The following PRKN variants were observed in gnomAD, a reference collection of about 807,000 sequenced individuals.
PRKN encodes the protein parkin RBR E3 ubiquitin protein ligase, also known as E3 ubiquitin-protein ligase parkin.
Under a neutral mutation model 59.5 loss-of-function variants are expected in PRKN, and 56 were observed. The observed-to-expected ratio is 0.94, with a 90% CI of 0.76 to 1.18. The LOEUF (loss-of-function observed/expected upper bound fraction) is 1.18. PRKN is among the 50% of genes most tolerant of loss of function. The pLI is 0.00. For missense variants in PRKN, 657 were observed against 596.4 expected, an observed-to-expected ratio of 1.10 and a Z score of -1.06; for synonymous variants, 250 against 222.1, an observed-to-expected ratio of 1.13 and a Z score of -1.12.
intron 1 of PRKN, among the ~76,000 whole-genome samples, chr6:162,476,391 G>T (rs1028193161): frequency 6.6e-6 from 1 of 152,098 alleles, no homozygotes; most frequent in Admixed American, 6.6e-5. Context: ...TGAGGGTAGG[G>T]TTCACAACTG....
At chr6:162,028,834 A>C (rs1783535179) in intron 5 of PRKN, among the ~76,000 whole-genome samples, 1 of 152,238 alleles carries the variant, frequency 6.6e-6, no homozygotes, top group Non-Finnish European at 1.5e-5. Context: ...GACAGCAAAC[A>C]GTGGACATCG....
intron 4 of PRKN, among the ~76,000 whole-genome samples, chr6:162,166,007 C>A (rs1782964575): frequency 7.0e-6 from 1 of 143,694 alleles, no homozygotes. Flanking sequence ...AGGGTCATGC[C>A]ACTGCACTCC....
chr6:161,773,225 T>C (rs1015426475), intron 7 of PRKN, among the ~76,000 whole-genome samples: 82 of 152,306 alleles, frequency 5.4e-4, no homozygotes, highest in African/African-American at 1.9e-3. Context: ...CTCTTGTGTA[T>C]GCATAATATG....
intron 1 of PRKN, among the ~76,000 whole-genome samples, chr6:162,643,331 G>A (rs1436552401): frequency 7.3e-6 from 1 of 137,070 alleles, no homozygotes; most frequent in Non-Finnish European, 1.5e-5. Flanking sequence ...CCAGGAGGTG[G>A]AGGTTGCAGT....
intron 1 of PRKN, among the ~76,000 whole-genome samples, chr6:162,528,151 T>C (rs1778366967): frequency 6.6e-6 from 1 of 151,830 alleles, no homozygotes; most frequent in South Asian, 2.1e-4. Context: ...TGAAACCCTG[T>C]TTCTACTAAA....
intron 2 of PRKN, among the ~76,000 whole-genome samples, chr6:162,290,362 CTTAG>C (rs1378429928): frequency 2.0e-5 from 3 of 152,156 alleles, no homozygotes; most frequent in African/African-American, 7.2e-5. Flanking sequence ...TGAGTGGCCT[CTTAG>C]TGAGTTAATC....
intron 9 of PRKN, among the ~76,000 whole-genome samples, chr6:161,389,220 C>G (rs565256024): frequency 1.3e-5 from 2 of 152,256 alleles, no homozygotes; most frequent in African/African-American, 4.8e-5. Flanking sequence ...GTTGTCTTCA[C>G]CATGTGAACA....
intron 1 of PRKN, among the ~76,000 whole-genome samples, chr6:162,617,948 C>A (rs1782501102): frequency 6.6e-6 from 1 of 152,062 alleles, no homozygotes; most frequent in African/African-American, 2.4e-5. Context: ...CAAGAATAAT[C>A]ATTATCAGTA....
intron 6 of PRKN, among the ~76,000 whole-genome samples, chr6:161,882,132 C>T (rs1416086007): frequency 6.6e-6 from 1 of 152,116 alleles, no homozygotes; most frequent in Non-Finnish European, 1.5e-5. Flanking sequence ...AAAATCCAAA[C>T]AAAACATGTC....
At chr6:162,703,051 G>C (rs1431768113) in intron 1 of PRKN, among the ~76,000 whole-genome samples, 1 of 152,116 alleles carries the variant, frequency 6.6e-6, no homozygotes, top group African/African-American at 2.4e-5. Flanking sequence ...TAGTATTCTA[G>C]GTGTTGATTA....
At chr6:161,849,137 G>T (rs111365065) in intron 6 of PRKN, among the ~76,000 whole-genome samples, 11 of 152,276 alleles carry the variant, frequency 7.2e-5, no homozygotes, top group African/African-American at 2.6e-4. Context: ...TGGTTTGTCA[G>T]ACTCTCTACC....
At chr6:162,548,872 C>A (rs1372511334) in intron 1 of PRKN, among the ~76,000 whole-genome samples, 2 of 152,036 alleles carry the variant, frequency 1.3e-5, no homozygotes, top group Non-Finnish European at 2.9e-5. Flanking sequence ...GTGCTTTTTT[C>A]ACTGGTCCGC....
chr6:161,954,486 C>T (rs1250474228), intron 6 of PRKN, among the ~76,000 whole-genome samples: 3 of 152,196 alleles, frequency 2.0e-5, no homozygotes, highest in Non-Finnish European at 4.4e-5. Context: ...ATTCTCTCAA[C>T]TTAAAATTAC....
At chr6:161,960,989 G>A (rs557449443) in intron 6 of PRKN, among the ~76,000 whole-genome samples, 3 of 152,286 alleles carry the variant, frequency 2.0e-5, no homozygotes, top group African/African-American at 7.2e-5. Flanking sequence ...CTGTGGCACT[G>A]TAAAATGGGT....
chr6:162,541,406 G>C (rs963303514), intron 1 of PRKN, among the ~76,000 whole-genome samples: 6 of 152,300 alleles, frequency 3.9e-5, no homozygotes, highest in African/African-American at 1.4e-4. Flanking sequence ...AGGGCCAGGG[G>C]CCAGCAAAGA....
chr6:162,115,327 A>G (rs1404347602), intron 4 of PRKN, among the ~76,000 whole-genome samples: 1 of 139,622 alleles, frequency 7.2e-6, no homozygotes, highest in Non-Finnish European at 1.5e-5. Flanking sequence ...GGGGAACATC[A>G]CACTCTGGGG....
intron 1 of PRKN, among the ~76,000 whole-genome samples, chr6:162,650,451 A>C (rs1406867526): frequency 6.6e-6 from 1 of 151,490 alleles, no homozygotes; most frequent in Non-Finnish European, 1.5e-5. Flanking sequence ...ACAAAAAATT[A>C]GCCGGGCGTA....
intron 1 of PRKN, among the ~76,000 whole-genome samples, chr6:162,726,874 A>C (rs1028900232): frequency 2.0e-5 from 3 of 152,174 alleles, no homozygotes; most frequent in African/African-American, 7.2e-5. Flanking sequence ...GATAGCCCCT[A>C]AAGTAACTTT....
At chr6:161,648,003 CTT>C (rs1318625261) in intron 7 of PRKN, among the ~76,000 whole-genome samples, 2 of 152,130 alleles carry the variant, frequency 1.3e-5, no homozygotes, top group Admixed American at 6.5e-5. Context: ...TATTTCATCT[CTT>C]TGTTTACTTG....
Sources: allele counts gnomAD v4.1 joint callset (sites outside exome capture counted in the v4.1 genomes callset), GRCh38; gene constraint gnomAD v4.1.1; transcripts MANE v1.5; gene names NCBI Gene and HGNC (gene_info 2026-07-23, HGNC 2026-07-21).